ST6GALNAC3: variants seen among roughly 807,000 people sequenced by gnomAD.
The protein encoded by ST6GALNAC3 is alpha-N-acetylgalactosaminide alpha-2,6-sialyltransferase 3.
ST6GALNAC3 carries 25 observed loss-of-function variants against 32.7 expected under a neutral mutation model. That is an observed-to-expected ratio of 0.76 (90% CI 0.56 to 1.07). The LOEUF (loss-of-function observed/expected upper bound fraction) is 1.07, where lower values mean the gene tolerates loss of function less well. ST6GALNAC3 is among the 50% of genes least tolerant of loss of function. The probability of loss-of-function intolerance (pLI) is 0.00; values close to 1 mark genes in which losing one functional copy is unlikely to be tolerated. For missense variants in ST6GALNAC3, 355 were observed against 382.4 expected (o/e 0.93, Z 0.60); for synonymous variants, 129 against 133.1 (o/e 0.97, Z 0.21).
At chr1:76,541,984 A>T (rs528274378) in intron 3 of ST6GALNAC3, among the ~76,000 whole-genome samples, 80 of 152,232 alleles carry the variant, frequency 5.3e-4, no homozygotes, top group East Asian at 2.9e-3. Context: ...GGTACTTTTT[A>T]AAAAAAATTA....
At chr1:76,137,603 TAA>T (rs1650033385) in intron 1 of ST6GALNAC3, among the ~76,000 whole-genome samples, 1 of 152,262 alleles carries the variant, frequency 6.6e-6, no homozygotes, top group African/African-American at 2.4e-5. Context: ...TATGATTTAA[TAA>T]TCCTTGTCTT....
chr1:76,416,824 C>T (rs1654669733), intron 3 of ST6GALNAC3, among the ~76,000 whole-genome samples: 1 of 151,876 alleles, frequency 6.6e-6, no homozygotes, highest in Admixed American at 6.6e-5. Flanking sequence ...GATGGGGTTT[C>T]ACCATATTGA....
chr1:76,379,964 T>C (rs1387130878), intron 2 of ST6GALNAC3, among the ~76,000 whole-genome samples: 1 of 152,112 alleles, frequency 6.6e-6, no homozygotes, highest in Non-Finnish European at 1.5e-5. Flanking sequence ...GATGGCCTAA[T>C]TGGTTCCGAC....
intron 1 of ST6GALNAC3, among the ~76,000 whole-genome samples, chr1:76,262,356 G>A (rs1288471334): frequency 6.6e-6 from 1 of 151,404 alleles, no homozygotes; most frequent in Non-Finnish European, 1.5e-5. Flanking sequence ...AGGCTGTGGT[G>A]ACTATGTATT....
chr1:76,273,998 A>G (rs1570653244), intron 1 of ST6GALNAC3, among the ~76,000 whole-genome samples: 3 of 152,212 alleles, frequency 2.0e-5, no homozygotes, highest in Admixed American at 6.5e-5. Context: ...ACTTTGGAGT[A>G]TACATAAAAC....
intron 3 of ST6GALNAC3, among the ~76,000 whole-genome samples, chr1:76,506,477 G>A (rs181855185): frequency 7.2e-4 from 110 of 152,262 alleles, no homozygotes; most frequent in Middle Eastern, 3.4e-3. Flanking sequence ...CTTTGCTGAG[G>A]TTATCAACAT....
rs563648971 is a variant in ST6GALNAC3, at chr1:76,546,212, T to C, written c.624-81240T>C. Among the ~76,000 whole-genome samples the C allele has an allele frequency of 5.3e-5, 8 of 152,292 alleles. No individual in the cohort carries two copies. In the South Asian group the frequency reaches 1.7e-3, roughly 32 times the overall value. On this transcript the variant is annotated intron_variant, in intron 3 of 4. Transcript: ENST00000328299. ...CAAATGGAAGTGGTTATGTCCTGCG[T>C]GATTTGGACCCTCTTACAGCACCTA... is the stretch of plus-strand genomic sequence containing the variant.
intron 3 of ST6GALNAC3, among the ~76,000 whole-genome samples, chr1:76,569,651 A>T (rs1557583580): frequency 6.6e-6 from 1 of 152,234 alleles, no homozygotes; most frequent in East Asian, 1.9e-4. Context: ...TAGGACTACA[A>T]TTAAGATCTC....
intron 3 of ST6GALNAC3, among the ~76,000 whole-genome samples, chr1:76,484,301 A>G (rs1571376880): frequency 2.0e-5 from 3 of 152,310 alleles, no homozygotes; most frequent in Admixed American, 1.3e-4. Context: ...GAATCTATAA[A>G]TTACCTTGGG....
At chr1:76,498,362 T>C (rs1479385808) in intron 3 of ST6GALNAC3, among the ~76,000 whole-genome samples, 2 of 152,168 alleles carry the variant, frequency 1.3e-5, no homozygotes, top group African/African-American at 2.4e-5. Context: ...AGTGAGTACA[T>C]AGGTAATTTT....
At chr1:76,552,852 T>C (rs1664718027) in intron 3 of ST6GALNAC3, among the ~76,000 whole-genome samples, 1 of 152,242 alleles carries the variant, frequency 6.6e-6, no homozygotes, top group Non-Finnish European at 1.5e-5. Context: ...TTATTAGGTT[T>C]GATTCTTGCT....
chr1:76,525,791 G>GTGTATATATATATATATATA (rs1438917629), intron 3 of ST6GALNAC3, among the ~76,000 whole-genome samples: 46 of 75,530 alleles, frequency 6.1e-4, no homozygotes, highest in Non-Finnish European at 8.8e-4. Context: ...GTGTGTGTGT[G>GTGTATATATATATATATATA]TATATATATA....
At chr1:76,113,783 T>G (rs1648259607) in intron 1 of ST6GALNAC3, among the ~76,000 whole-genome samples, 1 of 152,146 alleles carries the variant, frequency 6.6e-6, no homozygotes, top group Admixed American at 6.5e-5. Flanking sequence ...CTGAGACAAG[T>G]AACTCCTTTG....
intron 3 of ST6GALNAC3, among the ~76,000 whole-genome samples, chr1:76,458,588 A>T (rs1658027164): frequency 6.7e-6 from 1 of 149,858 alleles, no homozygotes; most frequent in Non-Finnish European, 1.5e-5. Context: ...CTTTGTAGGG[A>T]CATGGATGAA....
chr1:76,480,695 T>C (rs995905172), intron 3 of ST6GALNAC3, among the ~76,000 whole-genome samples: 1 of 152,152 alleles, frequency 6.6e-6, no homozygotes, highest in East Asian at 1.9e-4. Context: ...TAGCAGTAAA[T>C]GTTATGTAGG....
At chr1:76,538,559 A>C (rs978279194) in intron 3 of ST6GALNAC3, among the ~76,000 whole-genome samples, 1 of 152,326 alleles carries the variant, frequency 6.6e-6, no homozygotes, top group East Asian at 1.9e-4. Context: ...ATATTCAAAT[A>C]GGAAGAGAGG....
intron 3 of ST6GALNAC3, among the ~76,000 whole-genome samples, chr1:76,593,165 A>G (rs1330690207): frequency 3.9e-5 from 6 of 152,220 alleles, no homozygotes; most frequent in Non-Finnish European, 7.3e-5. Context: ...AAAATAATCA[A>G]TGAATCATTT....
intron 1 of ST6GALNAC3, among the ~76,000 whole-genome samples, chr1:76,179,266 A>AT (rs987510178): frequency 1.3e-5 from 2 of 152,108 alleles, no homozygotes; most frequent in African/African-American, 4.8e-5. Context: ...AATCTGATAG[A>AT]TTTTTTTGCA....
At chr1:76,483,669 G>T (rs1450608528) in intron 3 of ST6GALNAC3, among the ~76,000 whole-genome samples, 1 of 152,130 alleles carries the variant, frequency 6.6e-6, no homozygotes, top group East Asian at 1.9e-4. Context: ...CATTCTGTAG[G>T]TTGCCTGTTC....
Sources: allele counts gnomAD v4.1 joint callset (sites outside exome capture counted in the v4.1 genomes callset), GRCh38; gene constraint gnomAD v4.1.1; transcripts MANE v1.5; gene names NCBI Gene and HGNC (gene_info 2026-07-23, HGNC 2026-07-21).